The following ZNF131 variants were observed in gnomAD, a reference collection of about 807,000 sequenced individuals.
ZNF131 encodes zinc finger protein 131.
In ZNF131, 7 loss-of-function variants were observed where a neutral mutation model predicts 60.0. The observed-to-expected ratio is 0.12, with a 90% CI of 0.07 to 0.22. The LOEUF (loss-of-function observed/expected upper bound fraction) is 0.22, where lower values mean the gene tolerates loss of function less well. Ranked by LOEUF, ZNF131 falls within the 10% of genes least tolerant of loss-of-function variation. The pLI, the probability that ZNF131 is intolerant of heterozygous loss-of-function variation, is 1.00. For missense variants in ZNF131, 493 were observed against 740.9 expected (o/e 0.67, Z 3.88); for synonymous variants, 257 against 253.2 (o/e 1.01, Z -0.14).
chr5:43,123,210 A>T lies in ZNF131; in HGVS notation c.126A>T (p.Gly42=), dbSNP rs760006837. The change falls in exon 3 of 7, where the codon GGA becomes GGT. Residue 42 remains glycine, a splice_region_variant and synonymous_variant. Coordinates refer to ENST00000682664, the MANE Select transcript of ZNF131 (RefSeq NM_001330707.2). ...CTTTTTTTTTCTTATTTTACCTAGG[A>T]CACCATTTTAAGGCTCACAAGGCTG... The part of the protein sequence containing the change: ...RFTDITLIVD[G]HHFKAHKAVL... 8 of 1,597,112 alleles carry T rather than the reference A, an allele frequency of 5.0e-6. No homozygotes were observed. In the African/African-American group the frequency reaches 8.1e-5, roughly 16 times the overall value.
chr5:43,122,204 G>T (rs1240986213), intron 2 of ZNF131, 27 bp downstream of exon 2: 1 of 1,576,926 alleles, frequency 6.3e-7, no homozygotes, highest in Non-Finnish European at 8.6e-7. Context: ...GCAGAGGAGC[G>T]AATTTTTGGC....
Position 43,125,774 on chromosome 5 carries a change from C to A in ZNF131, c.226+2464C>A, listed in dbSNP as rs752155863. ...CAGCCTGGGCAACAAGAGTGAAACTCCGTCTCAAAGAAAAAAAAAAGGAAA... is the reference window on the plus strand; with the variant it reads ...CAGCCTGGGCAACAAGAGTGAAACTACGTCTCAAAGAAAAAAAAAAGGAAA... On this transcript the variant is annotated intron_variant, in intron 3 of 6. Transcript: ENST00000682664. Among the ~76,000 whole-genome samples the A allele has an allele frequency of 1.3e-4, 20 of 151,628 alleles. 1 individual carries two copies. The highest frequency in any genetic ancestry group is 2.6e-4 in the Non-Finnish European group (18 of 67,968).
intron 4 of ZNF131, among the ~76,000 whole-genome samples, chr5:43,159,786 T>C (rs1749417273): frequency 6.6e-6 from 1 of 152,164 alleles, no homozygotes; most frequent in African/African-American, 2.4e-5. Context: ...TTTTATTAAC[T>C]GTATTTCAGA....
chr5:43,123,335 A>G lies in ZNF131; in HGVS notation c.226+25A>G, dbSNP rs754817851. 22 of 1,560,824 alleles carry G rather than the reference A, an allele frequency of 1.4e-5. No homozygotes were observed. The South Asian group carries it at 2.2e-4, about 16-fold the overall frequency. On this transcript the variant is annotated intron_variant, in intron 3 of 6. Coordinates refer to ENST00000682664, the MANE Select transcript of ZNF131 (RefSeq NM_001330707.2). ...GGTAAATGATTCTTGTTGTTTTTTTATTTAATAAATCAAAGAAGCCATTTT... is the reference window on the plus strand; with the variant it reads ...GGTAAATGATTCTTGTTGTTTTTTTGTTTAATAAATCAAAGAAGCCATTTT...
intron 3 of ZNF131, among the ~76,000 whole-genome samples, chr5:43,128,310 A>G (rs192255730): frequency 6.6e-6 from 1 of 152,270 alleles, no homozygotes; most frequent in East Asian, 1.9e-4. Context: ...CATGTTAGCT[A>G]ATTAGGTCAC....
intron 3 of ZNF131, among the ~76,000 whole-genome samples, chr5:43,137,055 A>G (rs918771797): frequency 1.3e-5 from 2 of 152,220 alleles, no homozygotes; most frequent in Non-Finnish European, 2.9e-5. Flanking sequence ...ATAAAAAAGA[A>G]AAAAACTCAA....
chr5:43,174,345 C>A, intron 6 of ZNF131, 102 bp from the exon 7 acceptor site: 1 of 1,053,570 alleles, frequency 9.5e-7, no homozygotes, highest in Non-Finnish European at 1.3e-6. Context: ...ATAACATTTA[C>A]AGAATAAGCC....
intron 3 of ZNF131, chr5:43,125,097 C>G (rs1054835961): frequency 6.6e-6 from 1 of 151,318 alleles, no homozygotes; most frequent in Non-Finnish European, 1.5e-5. Context: ...TATGTTAGAC[C>G]CAGGAGATGA....
intron 5 of ZNF131, among the ~76,000 whole-genome samples, chr5:43,163,412 GAAT>G (rs1212467871): frequency 6.6e-6 from 1 of 152,238 alleles, no homozygotes; most frequent in African/African-American, 2.4e-5. Context: ...GAGCTGAGGA[GAAT>G]AAGGTCTTTA....
rs907717447 is a variant in ZNF131 at position 43,175,193 on chromosome 5, G to C, written c.*60G>C. The C allele has an allele frequency of 4.1e-6, 6 of 1,476,518 alleles. No homozygotes were observed. The African/African-American group carries it at 8.5e-5, about 21-fold the overall frequency. The allele number at this position is 1,476,518 out of a possible 1,614,324, so 91.5% of individuals were successfully genotyped here. ...TGGGTTTTTGAACTGATTATGGGCA[G>C]TTTGACTGTCCTTAATTAAGCCTAA... On this transcript the variant is annotated 3_prime_UTR_variant, in exon 7 of 7. Coordinates refer to ENST00000682664, the MANE Select transcript of ZNF131 (RefSeq NM_001330707.2).
chr5:43,154,920 A>G (rs1748774752), intron 4 of ZNF131, among the ~76,000 whole-genome samples: 2 of 152,182 alleles, frequency 1.3e-5, no homozygotes, highest in African/African-American at 2.4e-5. Context: ...ATTGGCAACA[A>G]TGGAAGTGCC....
intron 4 of ZNF131, chr5:43,143,544 T>G (rs1326309382): frequency 1.9e-6 from 1 of 514,256 alleles, no homozygotes; most frequent in African/African-American, 2.0e-5. Flanking sequence ...TGTTACTGGT[T>G]TAGTGACTTT....
At chr5:43,155,363 G>C (rs10058374) in intron 4 of ZNF131, among the ~76,000 whole-genome samples, 99,685 of 151,934 alleles carry the variant, frequency 0.66, 33,258 homozygotes, top group East Asian at 0.84. Flanking sequence ...CAACAAGAGC[G>C]CAACAGCAAA....
chr5:43,128,054 C>T (rs1744779192), intron 3 of ZNF131, among the ~76,000 whole-genome samples: 2 of 152,160 alleles, frequency 1.3e-5, no homozygotes, highest in Admixed American at 1.3e-4. Context: ...AGAGTAATGC[C>T]ACAATGCTGC....
At chr5:43,173,104 A>G (rs1751205545) in intron 5 of ZNF131, 1 of 358,940 alleles carries the variant, frequency 2.8e-6, no homozygotes, top group African/African-American at 2.1e-5. Flanking sequence ...ATCTTTGTCA[A>G]AGCATATATA....
intron 4 of ZNF131, among the ~76,000 whole-genome samples, chr5:43,151,508 C>T (rs181785189): frequency 5.9e-5 from 9 of 152,252 alleles, no homozygotes; most frequent in African/African-American, 1.9e-4. Flanking sequence ...AATCTCAGTT[C>T]GCTGCAACCT....
intron 3 of ZNF131, among the ~76,000 whole-genome samples, chr5:43,136,925 A>G (rs570824665): frequency 3.3e-5 from 5 of 152,306 alleles, no homozygotes; most frequent in African/African-American, 9.6e-5. Flanking sequence ...AATATGGTCA[A>G]CTGATCTTCA....
intron 3 of ZNF131, chr5:43,124,872 A>T (rs1744315695): frequency 6.6e-6 from 1 of 152,096 alleles, no homozygotes; most frequent in African/African-American, 2.4e-5. Context: ...CAAAAAATTT[A>T]AAAAATTATT....
chr5:43,150,175 T>C (rs1479649016), intron 4 of ZNF131, among the ~76,000 whole-genome samples: 1 of 152,160 alleles, frequency 6.6e-6, no homozygotes, highest in Non-Finnish European at 1.5e-5. Flanking sequence ...CCAAATCTTC[T>C]ATAATGAGCT....
Sources: gnomAD v4.1 joint callset for allele counts (sites outside exome capture counted in the v4.1 genomes callset) on GRCh38, gnomAD v4.1.1 for gene constraint, MANE v1.5 for transcripts, NCBI Gene and HGNC (gene_info 2026-07-23, HGNC 2026-07-21) for gene names.